Variants in MARCHF10 observed in about 807,000 individuals in gnomAD.
The protein encoded by MARCHF10 is membrane associated ring-CH-type finger 10.
A neutral mutation model predicts 76.2 loss-of-function variants in MARCHF10; 64 were observed. The ratio of observed to expected loss-of-function variants is 0.84; its 90% CI spans 0.69 to 1.03. The LOEUF (loss-of-function observed/expected upper bound fraction) is 1.03, where lower values mean the gene tolerates loss of function less well. Ranked by LOEUF, MARCHF10 falls within the 50% of genes least tolerant of loss-of-function variation. The pLI, the probability that MARCHF10 is intolerant of heterozygous loss-of-function variation, is 0.00. For missense variants in MARCHF10, 875 were observed against 958.0 expected (o/e 0.91, Z 1.14); for synonymous variants, 340 against 357.5 (o/e 0.95, Z 0.55).
intron 5 of MARCHF10, among the ~76,000 whole-genome samples, chr17:62,743,968 G>A (rs1301477045): frequency 6.6e-6 from 1 of 152,150 alleles, no homozygotes; most frequent in East Asian, 1.9e-4. Flanking sequence ...AACTAAGTGA[G>A]AACAACTGCC....
At chr17:62,732,535 C>G (rs908504428) in intron 6 of MARCHF10, among the ~76,000 whole-genome samples, 1 of 152,186 alleles carries the variant, frequency 6.6e-6, no homozygotes, top group Non-Finnish European at 1.5e-5. Flanking sequence ...AAGCTTACTT[C>G]ACATCACAGA....
At chr17:62,703,719 G>C (rs1023385665) in intron 10 of MARCHF10, among the ~76,000 whole-genome samples, 1 of 152,216 alleles carries the variant, frequency 6.6e-6, no homozygotes, top group African/African-American at 2.4e-5. Flanking sequence ...AGTGTGGGTC[G>C]CTCCCTCTGT....
At chr17:62,723,558 A>ATTTTTTTTTTTTTTT (rs2090597792) in intron 7 of MARCHF10, among the ~76,000 whole-genome samples, 5 of 62,358 alleles carry the variant, frequency 8.0e-5, no homozygotes, top group African/African-American at 6.4e-4. Flanking sequence ...TGTTCGCTTG[A>ATTTTTTTTTTTTTTT]CTTTTTTTTT....
intron 2 of MARCHF10, among the ~76,000 whole-genome samples, chr17:62,790,080 CA>C (rs2092816938): frequency 6.6e-6 from 1 of 151,996 alleles, no homozygotes; most frequent in South Asian, 2.1e-4. Context: ...AATCTGGTAC[CA>C]AAATATTTCT....
rs539481563 is a variant in MARCHF10, at chr17:62,764,993, G to A, written c.211-4987C>T. Reference sequence around the variant, plus strand: ...GTCTCCCCTATCTGAAGACGTGGCTGCCAGGTGGAGCTGGGTAAGACTAGG... The same window carrying A: ...GTCTCCCCTATCTGAAGACGTGGCTACCAGGTGGAGCTGGGTAAGACTAGG... On this transcript the variant is annotated intron_variant, in intron 3 of 10. Coordinates refer to ENST00000311269, the MANE Select transcript of MARCHF10 (RefSeq NM_152598.4). Among the ~76,000 whole-genome samples, 89 of 152,266 alleles carry A rather than the reference G, an allele frequency of 5.8e-4. 1 individual carries two copies. The South Asian group carries it at 0.017, about 29-fold the overall frequency.
At chr17:62,786,382 T>C (rs996350477) in intron 3 of MARCHF10, among the ~76,000 whole-genome samples, 1 of 29,078 alleles carries the variant, frequency 3.4e-5, no homozygotes, top group Non-Finnish European at 6.6e-5. Context: ...GGGCATGTCA[T>C]GGGGTGGGGG....
intron 4 of MARCHF10, among the ~76,000 whole-genome samples, chr17:62,757,836 G>C (rs1165092024): frequency 6.6e-6 from 1 of 152,170 alleles, no homozygotes; most frequent in African/African-American, 2.4e-5. Flanking sequence ...CTGAAACCTG[G>C]TGTTTTTGTC....
chr17:62,788,742 G>A, intron 2 of MARCHF10, 143 bp from the exon 3 acceptor site: 3 of 1,203,620 alleles, frequency 2.5e-6, no homozygotes, highest in South Asian at 2.8e-5. Flanking sequence ...CAAGTATAAA[G>A]ACCAGGTATC....
At chr17:62,788,685 T>C (rs1000528823) in intron 2 of MARCHF10, 86 bp from the exon 3 acceptor site, 5 of 1,539,648 alleles carry the variant, frequency 3.2e-6, no homozygotes, top group Non-Finnish European at 4.4e-6. Context: ...GTGAGGAGCA[T>C]GAAATAAATG....
chr17:62,803,236 C>G (rs1376370437), intron 1 of MARCHF10, among the ~76,000 whole-genome samples: 1 of 151,950 alleles, frequency 6.6e-6, no homozygotes, highest in Admixed American at 6.6e-5. Flanking sequence ...TGGAATGAGC[C>G]ATGGTCATGC....
chr17:62,702,421 G>A (rs1264188289), intron 10 of MARCHF10, among the ~76,000 whole-genome samples: 6 of 140,164 alleles, frequency 4.3e-5, no homozygotes. Flanking sequence ...AGGCCAAGGG[G>A]CGGGGGGCGG....
intron 3 of MARCHF10, among the ~76,000 whole-genome samples, chr17:62,776,453 G>T (rs910853005): frequency 6.6e-6 from 1 of 152,186 alleles, no homozygotes; most frequent in African/African-American, 2.4e-5. Context: ...CAATTCAAAC[G>T]GACGGTTCTC....
rs141624917 is a variant in MARCHF10 at position 62,745,803 on chromosome 17, G to A, written c.383-1275C>T. Among the ~76,000 whole-genome samples, 22 of 152,290 alleles carry A rather than the reference G, an allele frequency of 1.4e-4. No individual in the cohort carries two copies. The East Asian group carries it at 4.1e-3, about 28-fold the overall frequency. Reference sequence around the variant, plus strand: ...AGTTTCCTCTTCACATGTATTTAGCGTCAGTGCACGTGAATGTGGAGGAAA... The same window carrying A: ...AGTTTCCTCTTCACATGTATTTAGCATCAGTGCACGTGAATGTGGAGGAAA... On this transcript the variant is annotated intron_variant, in intron 4 of 10. Transcript: ENST00000311269.
chr17:62,801,498 T>C (rs1029486964), intron 2 of MARCHF10, 148 bp downstream of exon 2: 5 of 442,786 alleles, frequency 1.1e-5, no homozygotes, highest in African/African-American at 2.2e-5. Flanking sequence ...TACAGAGAGG[T>C]GAAGTGGCTT....
chr17:62,762,803 C>T (rs1050828482), intron 3 of MARCHF10, among the ~76,000 whole-genome samples: 1 of 152,236 alleles, frequency 6.6e-6, no homozygotes, highest in Non-Finnish European at 1.5e-5. Context: ...GCCTTGGCCT[C>T]CTAAAGTGCT....
At chr17:62,803,576 G>A (rs2093114018) in intron 1 of MARCHF10, among the ~76,000 whole-genome samples, 4 of 152,180 alleles carry the variant, frequency 2.6e-5, no homozygotes, top group Admixed American at 1.3e-4. Flanking sequence ...CTGGAGTGCC[G>A]TGGGGCTATC....
intron 8 of MARCHF10, chr17:62,714,538 G>T (rs1599059614): frequency 6.1e-6 from 2 of 326,436 alleles, no homozygotes; most frequent in Non-Finnish European, 8.8e-6. Flanking sequence ...GACTCCTAGT[G>T]CCTGGCCCAG....
At chr17:62,752,054 C>G (rs1226749948) in intron 4 of MARCHF10, among the ~76,000 whole-genome samples, 2 of 151,764 alleles carry the variant, frequency 1.3e-5, no homozygotes, top group East Asian at 3.8e-4. Flanking sequence ...AAAAGAAAAC[C>G]ATTACCTATC....
chr17:62,767,711 A>G (rs2092365414), intron 3 of MARCHF10, among the ~76,000 whole-genome samples: 1 of 152,110 alleles, frequency 6.6e-6, no homozygotes, highest in Non-Finnish European at 1.5e-5. Flanking sequence ...TCAGCCTCCC[A>G]AAGTGCTGGG....
Sources: gnomAD v4.1 joint callset for allele counts (sites outside exome capture counted in the v4.1 genomes callset) on GRCh38, gnomAD v4.1.1 for gene constraint, MANE v1.5 for transcripts, NCBI Gene and HGNC (gene_info 2026-07-23, HGNC 2026-07-21) for gene names.